The following MAP2K1 variants were observed in gnomAD, a reference collection of about 807,000 sequenced individuals.
MAP2K1 encodes dual specificity mitogen-activated protein kinase kinase 1.
Under a neutral mutation model 46.3 loss-of-function variants are expected in MAP2K1, and 16 were observed. That is an observed-to-expected ratio of 0.35 (90% CI 0.23 to 0.52). MAP2K1 has a LOEUF of 0.52. MAP2K1 is among the 20% of genes least tolerant of loss of function. The pLI is 0.94. For missense variants in MAP2K1, 263 were observed against 497.1 expected (o/e 0.53, Z 4.48); for synonymous variants, 183 against 185.6 (o/e 0.99, Z 0.11).
intron 8 of MAP2K1, among the ~76,000 whole-genome samples, chr15:66,487,955 A>G (rs1893101177): frequency 6.6e-6 from 1 of 152,094 alleles, no homozygotes; most frequent in Non-Finnish European, 1.5e-5. Context: ...TCTCCCAAGC[A>G]TTGCTGAGGT....
At chr15:66,471,310 G>A (rs1405265323) in intron 5 of MAP2K1, among the ~76,000 whole-genome samples, 2 of 152,210 alleles carry the variant, frequency 1.3e-5, no homozygotes, top group African/African-American at 2.4e-5. Flanking sequence ...AGCTGCAAGA[G>A]CCATTGAACT....
At chr15:66,457,549 G>C (rs1161156717) in intron 5 of MAP2K1, among the ~76,000 whole-genome samples, 1 of 152,242 alleles carries the variant, frequency 6.6e-6, no homozygotes, top group South Asian at 2.1e-4. Context: ...AGAGATGACT[G>C]TGTGGCCCTC....
Position 66,481,804 on chromosome 15 carries a change from C to A in MAP2K1, c.618C>A (p.Leu206=). The change falls in exon 6 of 11, where the codon CTC becomes CTA. Residue 206 remains leucine (L), a synonymous_variant. Transcript: ENST00000307102. ...ILVNSRGEIK[L]CDFGVSGQLI... ...TCAACTCCCGTGGGGAGATCAAGCT[C>A]TGTGACTTTGGGGTCAGCGGGCAGC... The A allele has an allele frequency of 6.2e-7, 1 of 1,613,856 alleles. No homozygotes were observed. The highest frequency in any genetic ancestry group is 8.5e-7 in the Non-Finnish European group (1 of 1,179,990).
At chr15:66,407,702 A>G (rs1413660072) in intron 1 of MAP2K1, among the ~76,000 whole-genome samples, 2 of 152,194 alleles carry the variant, frequency 1.3e-5, no homozygotes, top group African/African-American at 4.8e-5. Context: ...GGTTAAAGCT[A>G]GATATGGCTC....
At chr15:66,468,062 A>G (rs1018443252) in intron 5 of MAP2K1, among the ~76,000 whole-genome samples, 1 of 152,260 alleles carries the variant, frequency 6.6e-6, no homozygotes, top group Non-Finnish European at 1.5e-5. Context: ...CTTATCTATC[A>G]AAGATTTTAC....
At chr15:66,445,048 G>C (rs1891826532) in intron 5 of MAP2K1, 1 of 260,944 alleles carries the variant, frequency 3.8e-6, no homozygotes, top group Non-Finnish European at 7.4e-6. Flanking sequence ...GCCAGGACTG[G>C]CCAGCTGCAT....
At chr15:66,430,351 G>T (rs994707307) in intron 1 of MAP2K1, among the ~76,000 whole-genome samples, 6 of 152,204 alleles carry the variant, frequency 3.9e-5, no homozygotes, top group African/African-American at 1.4e-4. Context: ...GTGATTGGTT[G>T]TCATCCTCTT....
intron 5 of MAP2K1, chr15:66,453,666 A>G (rs1208285602): frequency 1.7e-6 from 1 of 589,812 alleles, no homozygotes; most frequent in Non-Finnish European, 3.1e-6. Flanking sequence ...TTCTTCACTG[A>G]TGAAATTTCA....
At chr15:66,469,876 A>G (rs1892578577) in intron 5 of MAP2K1, among the ~76,000 whole-genome samples, 1 of 150,894 alleles carries the variant, frequency 6.6e-6, no homozygotes, top group South Asian at 2.1e-4. Context: ...GGCTTGATTT[A>G]GGAACCAAAC....
intron 5 of MAP2K1, among the ~76,000 whole-genome samples, chr15:66,477,428 C>T (rs1327733869): frequency 6.6e-6 from 1 of 152,148 alleles, no homozygotes; most frequent in African/African-American, 2.4e-5. Context: ...GGAGGGCAGC[C>T]TGTGAAGCAA....
rs137882249 is a variant in MAP2K1, at chr15:66,461,791, T to C, written c.568+17084T>C. Reference sequence around the variant, plus strand: ...ACTGTGTCCTCTCCCTTTACCTTTCTGGCTATGCATAGAACCTTATGGAAG... The same window carrying C: ...ACTGTGTCCTCTCCCTTTACCTTTCCGGCTATGCATAGAACCTTATGGAAG... On this transcript the variant is annotated intron_variant, in intron 5 of 10. Coordinates refer to ENST00000307102, the MANE Select transcript of MAP2K1 (RefSeq NM_002755.4). 7.7e-3 allele frequency among the ~76,000 whole-genome samples: 1,177 copies of C among 152,324 alleles called. 8 individuals carry two copies. The highest frequency in any genetic ancestry group is 0.013 in the Non-Finnish European group (860 of 68,020).
intron 5 of MAP2K1, among the ~76,000 whole-genome samples, chr15:66,477,258 A>G (rs1005900134): frequency 1.2e-4 from 18 of 152,362 alleles, no homozygotes; most frequent in African/African-American, 4.1e-4. Flanking sequence ...AATAGAGATC[A>G]GATACAAGGA....
chr15:66,406,728 A>G (rs1360949366), intron 1 of MAP2K1, among the ~76,000 whole-genome samples: 1 of 152,142 alleles, frequency 6.6e-6, no homozygotes, highest in East Asian at 1.9e-4. Context: ...AGCAGAAAGG[A>G]CTTTAAAGAT....
intron 5 of MAP2K1, among the ~76,000 whole-genome samples, chr15:66,458,869 C>G (rs527729401): frequency 6.6e-6 from 1 of 152,240 alleles, no homozygotes; most frequent in Middle Eastern, 3.4e-3. Flanking sequence ...TTGGATACCT[C>G]TCTTCAGAGC....
At chr15:66,448,541 C>T (rs1360012505) in intron 5 of MAP2K1, among the ~76,000 whole-genome samples, 11 of 152,156 alleles carry the variant, frequency 7.2e-5, no homozygotes, top group Admixed American at 6.5e-4. Flanking sequence ...GAATATTGTG[C>T]AAGTGTTCCC....
chr15:66,454,927 A>G (rs1350661141), intron 5 of MAP2K1, among the ~76,000 whole-genome samples: 1 of 151,886 alleles, frequency 6.6e-6, no homozygotes, highest in Non-Finnish European at 1.5e-5. Context: ...AAGTTCAGAG[A>G]GTCCTTTGAC....
At chr15:66,414,861 G>T in intron 1 of MAP2K1, 1 of 264,668 alleles carries the variant, frequency 3.8e-6, no homozygotes, top group South Asian at 3.6e-5. Flanking sequence ...AGCAACGATC[G>T]AGACTGTGTT....
At chr15:66,416,057 C>T (rs1028706900) in intron 1 of MAP2K1, among the ~76,000 whole-genome samples, 1 of 152,176 alleles carries the variant, frequency 6.6e-6, no homozygotes, top group Admixed American at 6.6e-5. Context: ...TGGTCTAGCT[C>T]AGTTTACCTG....
At chr15:66,425,181 A>C (rs1567005526) in intron 1 of MAP2K1, among the ~76,000 whole-genome samples, 2 of 152,160 alleles carry the variant, frequency 1.3e-5, no homozygotes, top group Non-Finnish European at 1.5e-5. Flanking sequence ...TGTGTATGGC[A>C]GCCAGACTTT....
Sources: allele counts gnomAD v4.1 joint callset (sites outside exome capture counted in the v4.1 genomes callset), GRCh38; gene constraint gnomAD v4.1.1; transcripts MANE v1.5; gene names NCBI Gene and HGNC (gene_info 2026-07-23, HGNC 2026-07-21).